The following CTTNBP2 variants were observed in gnomAD, a reference collection of about 807,000 sequenced individuals.
CTTNBP2 encodes cortactin-binding protein 2.
Under a neutral mutation model 156.9 loss-of-function variants are expected in CTTNBP2, and 108 were observed. That is an observed-to-expected ratio of 0.69 (90% CI 0.59 to 0.81). The LOEUF (loss-of-function observed/expected upper bound fraction) is 0.81, where lower values mean the gene tolerates loss of function less well. CTTNBP2 is among the 30% of genes least tolerant of loss of function. The probability of loss-of-function intolerance (pLI) is 0.00; values close to 1 mark genes in which losing one functional copy is unlikely to be tolerated. For synonymous variants in CTTNBP2, 767 were observed against 751.8 expected (o/e 1.02, Z -0.33); for missense variants, 1,924 against 2,035.4 (o/e 0.95, Z 1.05).
rs1401060128 is a variant in CTTNBP2 at position 117,728,273 on chromosome 7, G to A, written c.3877-6C>T. The A allele has an allele frequency of 1.2e-6, 2 of 1,601,408 alleles. No individual in the cohort carries two copies. The highest frequency in any genetic ancestry group is 2.7e-5 in the African/African-American group (2 of 74,424). On this transcript the variant is annotated splice_polypyrimidine_tract_variant and splice_region_variant and intron_variant, in intron 16 of 22. Coordinates refer to ENST00000160373, the MANE Select transcript of CTTNBP2 (RefSeq NM_033427.3). ...GAGGGCGCCTGACCTTTGAACTAGA[G>A]AGACAGGGAGGTGGAACCCAGGGGC...
intron 1 of CTTNBP2, among the ~76,000 whole-genome samples, chr7:117,863,639 C>T (rs527480092): frequency 6.6e-6 from 1 of 152,328 alleles, no homozygotes; most frequent in Admixed American, 6.5e-5. Flanking sequence ...TAACTCATGC[C>T]ATCCTCTGTT....
At chr7:117,779,092 C>G (rs1471291184) in intron 7 of CTTNBP2, among the ~76,000 whole-genome samples, 1 of 152,136 alleles carries the variant, frequency 6.6e-6, no homozygotes, top group Non-Finnish European at 1.5e-5. Flanking sequence ...GACAATGGTG[C>G]TCCAATCAGG....
At chr7:117,829,403 C>T (rs1801475171) in intron 2 of CTTNBP2, among the ~76,000 whole-genome samples, 1 of 152,222 alleles carries the variant, frequency 6.6e-6, no homozygotes, top group African/African-American at 2.4e-5. Context: ...CCATCAGTTA[C>T]ATGGAAGTGT....
intron 10 of CTTNBP2, among the ~76,000 whole-genome samples, chr7:117,758,471 G>A (rs537673028): frequency 1.3e-5 from 2 of 152,018 alleles, no homozygotes; most frequent in Non-Finnish European, 2.9e-5. Context: ...TCCCATTGCG[G>A]GCCCTCTGCT....
intron 3 of CTTNBP2, among the ~76,000 whole-genome samples, chr7:117,810,307 T>A (rs373134639): frequency 7.6e-4 from 115 of 151,954 alleles, no homozygotes; most frequent in African/African-American, 2.5e-3. Flanking sequence ...TATTTTCATT[T>A]CCCCCCGCCA....
chr7:117,714,901 G>A (rs1386675639), intron 22 of CTTNBP2, among the ~76,000 whole-genome samples: 4 of 152,202 alleles, frequency 2.6e-5, no homozygotes, highest in Non-Finnish European at 5.9e-5. Context: ...AGAGTTACAG[G>A]TGTTTAATGC....
intron 22 of CTTNBP2, among the ~76,000 whole-genome samples, chr7:117,714,973 C>T (rs1433546640): frequency 6.6e-6 from 1 of 152,204 alleles, no homozygotes; most frequent in Non-Finnish European, 1.5e-5. Flanking sequence ...ATCCATATTG[C>T]TGTGCATGTT....
intron 12 of CTTNBP2, among the ~76,000 whole-genome samples, chr7:117,746,673 C>G (rs1032333787): frequency 4.1e-4 from 62 of 152,050 alleles, no homozygotes; most frequent in Admixed American, 3.4e-3. Context: ...CTTTTTACAG[C>G]TGTTGTATAT....
chr7:117,726,972 TA>T (rs1185975645), intron 17 of CTTNBP2, among the ~76,000 whole-genome samples: 2 of 152,202 alleles, frequency 1.3e-5, no homozygotes, highest in Admixed American at 6.5e-5. Flanking sequence ...TGACAAAGAC[TA>T]TATTCCATAT....
At chr7:117,854,468 A>G (rs1803129011) in intron 2 of CTTNBP2, among the ~76,000 whole-genome samples, 1 of 152,218 alleles carries the variant, frequency 6.6e-6, no homozygotes, top group South Asian at 2.1e-4. Flanking sequence ...CTAGAGTGGA[A>G]CCATTATTCT....
intron 3 of CTTNBP2, among the ~76,000 whole-genome samples, chr7:117,810,247 A>G (rs912276693): frequency 3.3e-5 from 5 of 152,180 alleles, no homozygotes; most frequent in African/African-American, 1.2e-4. Context: ...AAGATGACAC[A>G]TTGTGAGACT....
chr7:117,766,407 T>C (rs1414203424), intron 9 of CTTNBP2, among the ~76,000 whole-genome samples: 2 of 152,248 alleles, frequency 1.3e-5, no homozygotes, highest in Non-Finnish European at 2.9e-5. Flanking sequence ...TAAAAGTATA[T>C]GAATGTATGT....
intron 2 of CTTNBP2, among the ~76,000 whole-genome samples, chr7:117,852,825 A>G (rs1803017435): frequency 6.6e-6 from 1 of 152,210 alleles, no homozygotes; most frequent in African/African-American, 2.4e-5. Context: ...CGTAGCAATT[A>G]AAGTAAAGTA....
intron 2 of CTTNBP2, among the ~76,000 whole-genome samples, chr7:117,820,561 G>C (rs2117023389): frequency 6.6e-6 from 1 of 152,274 alleles, no homozygotes; most frequent in East Asian, 1.9e-4. Context: ...TATGGTGTTA[G>C]AAATAAAGGG....
intron 7 of CTTNBP2, among the ~76,000 whole-genome samples, chr7:117,779,739 T>G (rs1798302251): frequency 6.6e-6 from 1 of 150,916 alleles, no homozygotes; most frequent in Non-Finnish European, 1.5e-5. Context: ...CATATATATA[T>G]ATATATAAAA....
chr7:117,728,468 C>G (rs1241085486), intron 16 of CTTNBP2, among the ~76,000 whole-genome samples: 2 of 152,124 alleles, frequency 1.3e-5, no homozygotes, highest in Non-Finnish European at 2.9e-5. Flanking sequence ...CATTTTTCTC[C>G]TTTAATTCTC....
Position 117,782,897 on chromosome 7 carries a change from T to A in CTTNBP2, c.2337A>T (p.Thr779=). Residue 779 remains threonine, a synonymous_variant, in exon 6 of 23, where the codon ACA becomes ACT. Coordinates refer to ENST00000160373, the MANE Select transcript of CTTNBP2 (RefSeq NM_033427.3). ...CCTGAGCAGCTGCAGCACACAAGGGTGTGAAGCCATTTTTATCAGCAGCAT... is the reference window on the plus strand; with the variant it reads ...CCTGAGCAGCTGCAGCACACAAGGGAGTGAAGCCATTTTTATCAGCAGCAT... The part of the protein sequence containing the change: ...QVNAADKNGF[T]PLCAAAAQGH... The A allele has an allele frequency of 5.6e-6, 9 of 1,613,926 alleles. No homozygotes were observed. The highest frequency in any genetic ancestry group is 7.6e-6 in the Non-Finnish European group (9 of 1,179,914).
chr7:117,729,743 C>G (rs952555685), intron 16 of CTTNBP2, among the ~76,000 whole-genome samples: 7 of 152,068 alleles, frequency 4.6e-5, no homozygotes, highest in Non-Finnish European at 8.8e-5. Context: ...CTTTCAGATC[C>G]CTTCCAGACT....
At chr7:117,733,774 T>A (rs1584916203) in intron 16 of CTTNBP2, among the ~76,000 whole-genome samples, 1 of 152,050 alleles carries the variant, frequency 6.6e-6, no homozygotes. Flanking sequence ...CCCACACTTC[T>A]CCCCGCCACC....
Sources: gnomAD v4.1 joint callset for allele counts (sites outside exome capture counted in the v4.1 genomes callset) on GRCh38, gnomAD v4.1.1 for gene constraint, MANE v1.5 for transcripts, NCBI Gene and HGNC (gene_info 2026-07-23, HGNC 2026-07-21) for gene names.